Variants in DLEU7 observed in about 807,000 individuals in gnomAD.
DLEU7 encodes the protein leukemia-associated protein 7.
A neutral mutation model predicts 16.0 loss-of-function variants in DLEU7; 17 were observed. The observed-to-expected ratio is 1.06, with a 90% CI of 0.73 to 1.59. The LOEUF is 1.59. Among genes scored for constraint, DLEU7 ranks in the 40% most tolerant of loss-of-function variants. The probability of loss-of-function intolerance (pLI) is 0.00; values close to 1 mark genes in which losing one functional copy is unlikely to be tolerated. For synonymous variants in DLEU7, 113 were observed against 139.8 expected (o/e 0.81, Z 1.35); for missense variants, 308 against 314.9 (o/e 0.98, Z 0.17).
At chr13:50,796,076 A>AT (rs979508940) in intron 1 of DLEU7, among the ~76,000 whole-genome samples, 5 of 122,458 alleles carry the variant, frequency 4.1e-5, no homozygotes, top group African/African-American at 1.7e-4. Context: ...TATATATAAT[A>AT]TTCCCCCCTT....
At chr13:50,818,345 A>C (rs1876795969), downstream of DLEU7, among the ~76,000 whole-genome samples, 1 of 152,160 alleles carries the variant, frequency 6.6e-6, no homozygotes, top group African/African-American at 2.4e-5. Flanking sequence ...TCATTTATTG[A>C]GTGATTGCTA....
At chr13:50,821,484 G>C (rs1876902718), downstream of DLEU7, among the ~76,000 whole-genome samples, 1 of 152,130 alleles carries the variant, frequency 6.6e-6, no homozygotes, top group Admixed American at 6.6e-5. Flanking sequence ...CAACAGCTAT[G>C]CTATTAAGAT....
intron 1 of DLEU7, among the ~76,000 whole-genome samples, chr13:50,714,045 T>C (rs1433317893): frequency 6.6e-6 from 1 of 152,226 alleles, no homozygotes; most frequent in African/African-American, 2.4e-5. Context: ...AAACTCAAGT[T>C]GTGAAACCAC....
chr13:50,817,194 C>T (rs1275087221), intron 1 of DLEU7, among the ~76,000 whole-genome samples: 1 of 152,144 alleles, frequency 6.6e-6, no homozygotes, highest in African/African-American at 2.4e-5. Flanking sequence ...ATTATTGGTA[C>T]TTCTGTGCCA....
At chr13:50,841,225 C>T (rs565665833) in intron 1 of DLEU7, among the ~76,000 whole-genome samples, 12 of 152,120 alleles carry the variant, frequency 7.9e-5, no homozygotes, top group Non-Finnish European at 1.6e-4. Flanking sequence ...GACACACAGG[C>T]CTTTCCCTAA....
intron 1 of DLEU7, among the ~76,000 whole-genome samples, chr13:50,806,993 A>G (rs992606084): frequency 6.6e-6 from 1 of 150,706 alleles, no homozygotes; most frequent in Admixed American, 6.6e-5. Context: ...AAAAAAAAAA[A>G]AAAAAGTCGG....
chr13:50,764,990 C>A (rs1380924327), intron 1 of DLEU7, among the ~76,000 whole-genome samples: 1 of 152,146 alleles, frequency 6.6e-6, no homozygotes, highest in Non-Finnish European at 1.5e-5. Context: ...TCAAGCAATT[C>A]TTCTGCCACA....
intron 1 of DLEU7, among the ~76,000 whole-genome samples, chr13:50,720,441 C>T (rs1873569907): frequency 6.6e-6 from 1 of 152,202 alleles, no homozygotes; most frequent in Non-Finnish European, 1.5e-5. Flanking sequence ...GCTTTGCCTC[C>T]TGCATTTGGG....
At chr13:50,793,525 G>T (rs535606866) in intron 1 of DLEU7, among the ~76,000 whole-genome samples, 18 of 152,120 alleles carry the variant, frequency 1.2e-4, no homozygotes, top group Non-Finnish European at 2.6e-4. Flanking sequence ...GCTATTTTTT[G>T]ACTTTTTAAC....
intron 1 of DLEU7, among the ~76,000 whole-genome samples, chr13:50,816,395 C>T (rs1434637475): frequency 6.6e-6 from 1 of 151,960 alleles, no homozygotes; most frequent in African/African-American, 2.4e-5. Context: ...TAACAAGTAT[C>T]ATGTAAACTG....
At chr13:50,785,161 A>T (rs1566250439) in intron 1 of DLEU7, among the ~76,000 whole-genome samples, 1 of 152,138 alleles carries the variant, frequency 6.6e-6, no homozygotes, top group African/African-American at 2.4e-5. Flanking sequence ...CAGGTGTGAC[A>T]TCAAATCATT....
intron 1 of DLEU7, among the ~76,000 whole-genome samples, chr13:50,835,183 T>TA (rs1019775180): frequency 1.1e-4 from 16 of 151,908 alleles, no homozygotes; most frequent in African/African-American, 4.8e-5. Context: ...TAAAGTATAA[T>TA]AAAAAAAATT....
intron 1 of DLEU7, among the ~76,000 whole-genome samples, chr13:50,718,694 C>T (rs1202846114): frequency 1.3e-5 from 2 of 152,144 alleles, no homozygotes; most frequent in Non-Finnish European, 2.9e-5. Context: ...GAATATTTCC[C>T]CATTTTTATT....
chr13:50,827,825 C>T (rs1260908070), intron 1 of DLEU7, among the ~76,000 whole-genome samples: 1 of 152,074 alleles, frequency 6.6e-6, no homozygotes, highest in Non-Finnish European at 1.5e-5. Context: ...GAAAGCACAA[C>T]AAGTGCAAAG....
intron 1 of DLEU7, among the ~76,000 whole-genome samples, chr13:50,767,620 G>T (rs1471507500): frequency 1.3e-5 from 2 of 152,132 alleles, no homozygotes; most frequent in Non-Finnish European, 2.9e-5. Flanking sequence ...TAGCACCTGG[G>T]ACAGCTATTG....
At chr13:50,712,846 C>T (rs2137698326) in exon 2 of DLEU7, 1 of 221,750 alleles carries the variant, frequency 4.5e-6, no homozygotes, top group Non-Finnish European at 8.9e-6. Context: ...ACAATACATT[C>T]TGAAAAGCGA....
intron 1 of DLEU7, among the ~76,000 whole-genome samples, chr13:50,804,933 T>C (rs1164815221): frequency 6.6e-6 from 1 of 151,814 alleles, no homozygotes; most frequent in Non-Finnish European, 1.5e-5. Flanking sequence ...TGTTCTAATA[T>C]TTTTTTTCAG....
chr13:50,815,000 T>C (rs1383818674), intron 1 of DLEU7, among the ~76,000 whole-genome samples: 1 of 152,036 alleles, frequency 6.6e-6, no homozygotes, highest in Non-Finnish European at 1.5e-5. Context: ...TATAAATCTA[T>C]AATTCTATTT....
intron 1 of DLEU7, among the ~76,000 whole-genome samples, chr13:50,801,292 C>T (rs190997182): frequency 5.4e-4 from 82 of 152,210 alleles, no homozygotes; most frequent in Admixed American, 4.3e-3. Context: ...ACCGTCACCC[C>T]TCCATCCACC....
Sources: allele counts gnomAD v4.1 joint callset (sites outside exome capture counted in the v4.1 genomes callset), GRCh38; gene constraint gnomAD v4.1.1; transcripts MANE v1.5; gene names NCBI Gene and HGNC (gene_info 2026-07-23, HGNC 2026-07-21).